Variants in DMD observed in about 807,000 individuals in gnomAD.
DMD encodes mutant dystrophin.
Under a neutral mutation model 330.1 loss-of-function variants are expected in DMD, and 63 were observed. That is an observed-to-expected ratio of 0.19 (90% CI 0.16 to 0.24). The LOEUF is 0.24. DMD is among the 10% of genes least tolerant of loss of function. The pLI is 1.00. For missense variants in DMD, 3,344 were observed against 2,684.1 expected (o/e 1.25, Z -5.43); for synonymous variants, 1,223 against 959.8 (o/e 1.27, Z -5.07).
intron 4 of DMD, among the ~76,000 whole-genome samples, chrX:32,835,984 C>T (rs1004737030): frequency 2.0e-4 from 22 of 110,049 alleles, no homozygotes; most frequent in African/African-American, 4.0e-4. Context: ...TTTCTATTAG[C>T]AATTATCAAT....
chrX:31,616,189 C>T (rs1483560649), intron 55 of DMD, among the ~76,000 whole-genome samples: 1 of 111,613 alleles, frequency 9.0e-6, no homozygotes, highest in Non-Finnish European at 1.9e-5. Context: ...AAGTACTAAA[C>T]GTCATTTAAA....
chrX:31,999,324 T>G (rs2095610005), intron 44 of DMD, among the ~76,000 whole-genome samples: 1 of 111,774 alleles, frequency 8.9e-6, no homozygotes, highest in Admixed American at 9.5e-5. Flanking sequence ...CACGGGAAAT[T>G]TATCCTGACT....
At chrX:32,119,805 C>T (rs186560311) in intron 44 of DMD, among the ~76,000 whole-genome samples, 10 of 112,381 alleles carry the variant, frequency 8.9e-5, no homozygotes, top group African/African-American at 1.6e-4. Flanking sequence ...GGTCTTTATG[C>T]GAACTGTTTC....
chrX:32,746,749 A>T (rs1188507127), intron 7 of DMD, among the ~76,000 whole-genome samples: 1 of 111,604 alleles, frequency 9.0e-6, no homozygotes, highest in Non-Finnish European at 1.9e-5. Flanking sequence ...CATGCACAAT[A>T]AATTACTGTT....
At chrX:32,455,988 C>T (rs745994615) in intron 25 of DMD, among the ~76,000 whole-genome samples, 9 of 111,227 alleles carry the variant, frequency 8.1e-5, no homozygotes, top group African/African-American at 1.3e-4. Flanking sequence ...TATAGTATTA[C>T]AATCATTATA....
chrX:31,455,769 G>A (rs1203387496), intron 59 of DMD, among the ~76,000 whole-genome samples: 1 of 112,465 alleles, frequency 8.9e-6, no homozygotes, highest in Non-Finnish European at 1.9e-5. Flanking sequence ...AAAAGAGGAA[G>A]TAGCCTATTC....
At chrX:33,148,537 A>C (rs748519912) in intron 1 of DMD, among the ~76,000 whole-genome samples, 1 of 112,300 alleles carries the variant, frequency 8.9e-6, no homozygotes, top group African/African-American at 3.2e-5. Context: ...GAGAACGAAC[A>C]AGAATGTTTT....
intron 2 of DMD, among the ~76,000 whole-genome samples, chrX:32,983,091 G>A (rs1346482509): frequency 8.9e-6 from 1 of 111,779 alleles, no homozygotes; most frequent in Non-Finnish European, 1.9e-5. Flanking sequence ...CAGGACCAGA[G>A]TGAGAAAATA....
At position 32,256,685 on chromosome X, in the gene DMD, G is replaced by A. The variant is rs762205546; in HGVS notation, c.6290+30844C>T. 1.7e-4 allele frequency among the ~76,000 whole-genome samples: 19 copies of A among 111,304 alleles called. No homozygotes were observed. In the East Asian group the frequency reaches 5.1e-3, roughly 30 times the overall value. On this transcript the variant is annotated intron_variant, in intron 43 of 78. Transcript: ENST00000357033. ...CTTTCCATGTTTAGTGATTCCTTCA[G>A]GAGCTCTTGTAAGCCAGGCCTGGTG... is the stretch of plus-strand genomic sequence containing the variant.
intron 1 of DMD, among the ~76,000 whole-genome samples, chrX:33,124,476 GAAAAAAAAAAAAAAAAAAA>G (rs56147804): frequency 6.2e-5 from 1 of 16,132 alleles, no homozygotes; most frequent in Non-Finnish European, 9.6e-5. Flanking sequence ...GACTCTGTCT[GAAAAAAAAAAAAAAAAAAA>G]AAAAAAAAAA....
intron 63 of DMD, among the ~76,000 whole-genome samples, chrX:31,225,033 T>C (rs1404433258): frequency 1.8e-5 from 2 of 112,691 alleles, no homozygotes; most frequent in East Asian, 5.5e-4. Context: ...GTGATCGAAA[T>C]GTTATATCTT....
chrX:33,120,635 C>T (rs965887556), intron 1 of DMD, among the ~76,000 whole-genome samples: 10 of 110,995 alleles, frequency 9.0e-5, no homozygotes, highest in African/African-American at 3.3e-4. Context: ...AATCCCAGCA[C>T]TTTGGGAGGC....
Position 32,983,658 on chromosome X carries a change from T to C in DMD, c.93+36481A>G, listed in dbSNP as rs532079393. Among the ~76,000 whole-genome samples the C allele has an allele frequency of 2.3e-4, 26 of 110,859 alleles. No individual in the cohort carries two copies. The South Asian group carries it at 8.6e-3, about 37-fold the overall frequency. ...CTGGCTGTGATATTATATTATAGTTTTGCAAAATATTAACTTTAGGGAAAA... is the reference window on the plus strand; with the variant it reads ...CTGGCTGTGATATTATATTATAGTTCTGCAAAATATTAACTTTAGGGAAAA... On this transcript the variant is annotated intron_variant, in intron 2 of 78. Transcript: ENST00000357033.
At chrX:31,363,660 G>A (rs2059085466) in intron 60 of DMD, among the ~76,000 whole-genome samples, 1 of 111,899 alleles carries the variant, frequency 8.9e-6, no homozygotes, top group African/African-American at 3.3e-5. Context: ...TTACAGGCGT[G>A]AGCCACCGTG....
rs35804192 is a variant in DMD at position 31,867,091 on chromosome X, G to GATATATATAT, written c.7098+8087_7098+8096dup. On this transcript the variant is annotated intron_variant, in intron 48 of 78. Coordinates refer to ENST00000357033, the MANE Select transcript of DMD (RefSeq NM_004006.3). Reference sequence around the variant, plus strand: ...TATACTTAAGTATGCAACATATTTTGATATATATATATATATATACGCACA... The same window carrying GATATATATAT: ...TATACTTAAGTATGCAACATATTTTGATATATATATATATATATATATATATATACGCACA... Among the ~76,000 whole-genome samples the GATATATATAT allele has an allele frequency of 1.2e-3, 126 of 101,302 alleles. 1 individual carries two copies. Among genetic ancestry groups the GATATATATAT allele is most frequent in the African/African-American group, 4.0e-3 (112 of 27,838 alleles). 88.0% of individuals were successfully genotyped at this position (101,302 alleles called of 115,157 possible).
In DMD at chrX:31,120,883, A is replaced by G. The variant is rs1022565970; in HGVS notation, c.*1036T>C. On this transcript the variant is annotated 3_prime_UTR_variant, in exon 79 of 79. Coordinates refer to ENST00000357033, the MANE Select transcript of DMD (RefSeq NM_004006.3). Reference sequence around the variant, plus strand: ...GCTGAATGTATCAATCAATCAATCAATCAACCAACCAACCGATTACTCACT... The same window carrying G: ...GCTGAATGTATCAATCAATCAATCAGTCAACCAACCAACCGATTACTCACT... 4.7e-5 allele frequency: 5 copies of G among 107,324 alleles called. No individual in the cohort carries two copies. The highest frequency in any genetic ancestry group is 7.5e-5 in the Non-Finnish European group (4 of 53,001). The allele number at this position is 107,324 out of a possible 1,213,427, so 8.8% of individuals were successfully genotyped here. A position where few individuals can be genotyped will look rare whatever the true frequency, so the allele number is the denominator to read the frequency against.
In DMD at chrX:31,745,900, T is replaced by C. The variant is rs776151542; in HGVS notation, c.7543-16152A>G. On this transcript the variant is annotated intron_variant, in intron 51 of 78. Transcript: ENST00000357033. The stretch of plus-strand genomic sequence containing the variant: ...AAGGATTATTATCAGTGATAAGAAG[T>C]ATTAACATATGTTATGATGTCACAT... 9.4e-5 allele frequency among the ~76,000 whole-genome samples: 10 copies of C among 106,190 alleles called. No homozygotes were observed. In the South Asian group the frequency reaches 3.7e-3, roughly 39 times the overall value. The allele number at this position is 106,190 out of a possible 115,157, so 92.2% of individuals were successfully genotyped here.
chrX:31,752,290 C>T (rs1466891420), intron 51 of DMD, among the ~76,000 whole-genome samples: 1 of 111,775 alleles, frequency 8.9e-6, no homozygotes, highest in Non-Finnish European at 1.9e-5. Context: ...TCTGCATTTA[C>T]TTAGCATGAG....
intron 11 of DMD, among the ~76,000 whole-genome samples, chrX:32,636,045 TGGTGTCAC>T (rs1196146164): frequency 8.9e-6 from 1 of 112,197 alleles, no homozygotes; most frequent in Admixed American, 9.5e-5. Context: ...TGACACTGCA[TGGTGTCAC>T]GGTGTGTATA....
Sources: allele counts gnomAD v4.1 joint callset (sites outside exome capture counted in the v4.1 genomes callset), GRCh38; gene constraint gnomAD v4.1.1; transcripts MANE v1.5; gene names NCBI Gene and HGNC (gene_info 2026-07-23, HGNC 2026-07-21).